LARP1B: variants seen among roughly 807,000 people sequenced by gnomAD.
LARP1B encodes La ribonucleoprotein 1B, also known as la-related protein 1B.
Under a neutral mutation model 114.2 loss-of-function variants are expected in LARP1B, and 76 were observed. That is an observed-to-expected ratio of 0.67 (90% CI 0.55 to 0.81). LARP1B has a LOEUF of 0.81. LARP1B is among the 30% of genes least tolerant of loss of function. The probability of loss-of-function intolerance (pLI) is 0.00; values close to 1 mark genes in which losing one functional copy is unlikely to be tolerated. For missense variants in LARP1B, 1,014 were observed against 1,075.8 expected (o/e 0.94, Z 0.80); for synonymous variants, 345 against 348.0 (o/e 0.99, Z 0.10).
At chr4:128,171,649 G>T (rs1743792664) in intron 12 of LARP1B, among the ~76,000 whole-genome samples, 1 of 152,000 alleles carries the variant, frequency 6.6e-6, no homozygotes, top group Admixed American at 6.6e-5. Context: ...ATTTTCTTCT[G>T]TCTGAAATAC....
intron 17 of LARP1B, among the ~76,000 whole-genome samples, chr4:128,201,027 GC>G (rs1056773935): frequency 1.3e-5 from 2 of 152,200 alleles, no homozygotes; most frequent in African/African-American, 4.8e-5. Flanking sequence ...TGAAGACTTG[GC>G]CTGGGCTGGA....
intron 3 of LARP1B, among the ~76,000 whole-genome samples, chr4:128,077,343 A>G (rs1768340716): frequency 6.6e-6 from 1 of 151,882 alleles, no homozygotes; most frequent in African/African-American, 2.4e-5. Context: ...ACTTAAAAAA[A>G]AAAAAGAGTT....
intron 9 of LARP1B, among the ~76,000 whole-genome samples, chr4:128,109,964 C>T (rs963155942): frequency 1.3e-5 from 2 of 152,044 alleles, no homozygotes; most frequent in African/African-American, 4.8e-5. Context: ...AGTACAGTGG[C>T]GCAGTCTCGG....
At chr4:128,095,885 T>G (rs1193069546) in intron 7 of LARP1B, among the ~76,000 whole-genome samples, 2 of 152,170 alleles carry the variant, frequency 1.3e-5, no homozygotes, top group African/African-American at 4.8e-5. Flanking sequence ...CCCATCATCA[T>G]TGATGTTATG....
rs867314076 is a variant in LARP1B at position 128,118,948 on chromosome 4, T to A, written c.1162-2878T>A. On this transcript the variant is annotated intron_variant, in intron 10 of 19. Coordinates refer to ENST00000326639, the MANE Select transcript of LARP1B (RefSeq NM_018078.4). ...GCTGGAGTGCAATGGCAGTGTGATC[T>A]CGGCTCACTGTAACCTCCGCCTCCC... Among the ~76,000 whole-genome samples, 38 of 150,730 alleles carry A rather than the reference T, an allele frequency of 2.5e-4. 1 individual carries two copies. In the Middle Eastern group the frequency reaches 0.01, roughly 41 times the overall value.
chr4:128,195,334 C>T (rs1753724972), intron 15 of LARP1B, among the ~76,000 whole-genome samples: 1 of 152,108 alleles, frequency 6.6e-6, no homozygotes, highest in Admixed American at 6.6e-5. Flanking sequence ...TTGAGGAATT[C>T]TTTATCTCTC....
chr4:128,105,070 T>TG (rs1390449498), intron 8 of LARP1B, among the ~76,000 whole-genome samples: 7 of 95,604 alleles, frequency 7.3e-5, no homozygotes, highest in South Asian at 9.4e-4. Flanking sequence ...CAAGGAGTTT[T>TG]TTTTTTGTTT....
At chr4:128,118,082 ATTTTTTT>A (rs34699544) in intron 10 of LARP1B, among the ~76,000 whole-genome samples, 12 of 76,744 alleles carry the variant, frequency 1.6e-4, no homozygotes, top group African/African-American at 5.0e-4. Flanking sequence ...GGCCCGGCTA[ATTTTTTT>A]TTTTTTTTTT....
intron 12 of LARP1B, among the ~76,000 whole-genome samples, chr4:128,174,133 A>T (rs1744952722): frequency 6.6e-6 from 1 of 152,144 alleles, no homozygotes; most frequent in Admixed American, 6.5e-5. Context: ...GAATGAGCAT[A>T]CTACATTTTT....
intron 1 of LARP1B, among the ~76,000 whole-genome samples, chr4:128,069,856 C>G (rs536362842): frequency 6.6e-6 from 1 of 151,984 alleles, no homozygotes; most frequent in Non-Finnish European, 1.5e-5. Context: ...AACCTCTTTT[C>G]TCCTACTATT....
At chr4:128,164,377 A>T (rs934740603) in intron 12 of LARP1B, among the ~76,000 whole-genome samples, 4 of 152,142 alleles carry the variant, frequency 2.6e-5, no homozygotes, top group African/African-American at 9.7e-5. Context: ...AAAATTGAGA[A>T]TGTATATTCC....
chr4:128,140,824 G>GTTGTTTT (rs55639320), intron 11 of LARP1B, among the ~76,000 whole-genome samples: 4 of 138,602 alleles, frequency 2.9e-5, no homozygotes, highest in Non-Finnish European at 6.3e-5. Flanking sequence ...AATTGTCTCT[G>GTTGTTTT]TTTTTTTTTT....
chr4:128,205,509 T>C (rs1252609327), intron 17 of LARP1B, among the ~76,000 whole-genome samples: 1 of 152,372 alleles, frequency 6.6e-6, no homozygotes, highest in East Asian at 1.9e-4. Flanking sequence ...AAGATAGTTA[T>C]AGACAGAAAC....
chr4:128,075,189 A>G (rs113311314), intron 3 of LARP1B, among the ~76,000 whole-genome samples, 196 bp downstream of exon 3: 12 of 151,152 alleles, frequency 7.9e-5, no homozygotes, highest in African/African-American at 2.4e-4. Context: ...GTAGCCTCAA[A>G]CTGCTAGGCT....
At chr4:128,221,546 CT>C (rs1760035452) in intron 7 of LARP1B, among the ~76,000 whole-genome samples, 7 of 152,178 alleles carry the variant, frequency 4.6e-5, no homozygotes, top group Non-Finnish European at 8.8e-5. Flanking sequence ...CCAGAATCCG[CT>C]GCTATTGTTT....
Position 128,063,595 on chromosome 4 carries a change from C to T in LARP1B, c.-78+2194C>T, listed in dbSNP as rs370154655. On this transcript the variant is annotated intron_variant, in intron 1 of 19. Coordinates refer to ENST00000326639, the MANE Select transcript of LARP1B (RefSeq NM_018078.4). Reference sequence around the variant, plus strand: ...AGGAGTTCAAGACCATCCTGACTAACATGGAGAAACCTTGTCTGTACTATA... The same window carrying T: ...AGGAGTTCAAGACCATCCTGACTAATATGGAGAAACCTTGTCTGTACTATA... 2.0e-3 allele frequency among the ~76,000 whole-genome samples: 299 copies of T among 151,556 alleles called. 2 individuals are homozygous for T. The Middle Eastern group carries it at 0.024, about 12-fold the overall frequency.
chr4:128,133,014 A>G (rs888836390), intron 11 of LARP1B, among the ~76,000 whole-genome samples: 17 of 152,178 alleles, frequency 1.1e-4, no homozygotes, highest in South Asian at 4.2e-4. Context: ...AATAGGGTTC[A>G]TGCTCCTATG....
chr4:128,105,786 G>C (rs533635713), intron 8 of LARP1B, among the ~76,000 whole-genome samples: 1 of 152,096 alleles, frequency 6.6e-6, no homozygotes, highest in Admixed American at 6.6e-5. Context: ...CAGCTACTCC[G>C]AAGGCTGAGG....
At chr4:128,119,263 C>T (rs937618646) in intron 10 of LARP1B, among the ~76,000 whole-genome samples, 10 of 152,126 alleles carry the variant, frequency 6.6e-5, no homozygotes, top group African/African-American at 2.4e-4. Flanking sequence ...GGCTCTTTTT[C>T]TCCAAAATTG....
Sources: gnomAD v4.1 joint callset for allele counts (sites outside exome capture counted in the v4.1 genomes callset) on GRCh38, gnomAD v4.1.1 for gene constraint, MANE v1.5 for transcripts, NCBI Gene and HGNC (gene_info 2026-07-23, HGNC 2026-07-21) for gene names.